Variants in YES1 observed in about 807,000 individuals in gnomAD.
YES1 encodes YES proto-oncogene 1, Src family tyrosine kinase, also known as tyrosine-protein kinase Yes.
In YES1, 39 loss-of-function variants were observed where a neutral mutation model predicts 70.4. The observed-to-expected ratio is 0.55, with a 90% CI of 0.43 to 0.72. The LOEUF (loss-of-function observed/expected upper bound fraction) is 0.72, where lower values mean the gene tolerates loss of function less well. Among genes scored for constraint, YES1 ranks in the 30% least tolerant of loss-of-function variants. The pLI is 0.00. For synonymous variants in YES1, 198 were observed against 218.6 expected (o/e 0.91, Z 0.83); for missense variants, 495 against 644.8 (o/e 0.77, Z 2.52).
chr18:798,239 T>C (rs1032431952), intron 1 of YES1: 9 of 152,238 alleles, frequency 5.9e-5, no homozygotes, highest in African/African-American at 2.2e-4. Flanking sequence ...GTGTTCTGTG[T>C]CACCTATTAT....
At chr18:769,502 T>G (rs1435502069) in intron 1 of YES1, among the ~76,000 whole-genome samples, 1 of 152,202 alleles carries the variant, frequency 6.6e-6, no homozygotes, top group Non-Finnish European at 1.5e-5. Context: ...TGGTTCTCAA[T>G]CTTAAGAGGA....
intron 1 of YES1, among the ~76,000 whole-genome samples, chr18:796,896 G>C (rs1425238027): frequency 6.6e-6 from 1 of 152,138 alleles, no homozygotes; most frequent in African/African-American, 2.4e-5. Flanking sequence ...ACTAGCAGTA[G>C]TGAGGTATAT....
intron 1 of YES1, among the ~76,000 whole-genome samples, chr18:811,374 A>C (rs551202564): frequency 1.3e-5 from 2 of 152,306 alleles, no homozygotes; most frequent in East Asian, 3.9e-4. Context: ...CCTACACCAG[A>C]CTTGATTTTC....
chr18:739,473 T>C (rs565192702), intron 9 of YES1: 18 of 315,110 alleles, frequency 5.7e-5, no homozygotes, highest in Non-Finnish European at 6.3e-5. Flanking sequence ...AATGGTGGCC[T>C]GTGCCTGCAG....
chr18:800,909 A>G (rs1266067549), intron 1 of YES1, among the ~76,000 whole-genome samples: 2 of 152,194 alleles, frequency 1.3e-5, no homozygotes, highest in Non-Finnish European at 2.9e-5. Flanking sequence ...GCACTTTGGG[A>G]GGCCAAGGCG....
At chr18:778,582 T>C (rs906518648) in intron 1 of YES1, among the ~76,000 whole-genome samples, 2 of 152,248 alleles carry the variant, frequency 1.3e-5, no homozygotes, top group African/African-American at 4.8e-5. Flanking sequence ...TTGGAAGGAA[T>C]AGCCCTAGTC....
chr18:807,105 CCAAAAAATT>C (rs1289833628), intron 1 of YES1, among the ~76,000 whole-genome samples: 1 of 151,966 alleles, frequency 6.6e-6, no homozygotes, highest in Non-Finnish European at 1.5e-5. Flanking sequence ...CCCCATCTCT[CCAAAAAATT>C]CAAAAATTAG....
In YES1 at chr18:798,559, T is replaced by A. The variant is rs1906658666; in HGVS notation, c.-9+13555A>T. Among the ~76,000 whole-genome samples the A allele has an allele frequency of 2.0e-5, 3 of 152,316 alleles. No individual in the cohort carries two copies. In the South Asian group the frequency reaches 6.2e-4, roughly 32 times the overall value. ...GTGAGAAGATGCATAGGGGAGCCGC[T>A]TTAGCTCCACCCTAATTTCTACCTG... On this transcript the variant is annotated intron_variant, in intron 1 of 11. Coordinates refer to ENST00000314574, the MANE Select transcript of YES1 (RefSeq NM_005433.4).
intron 1 of YES1, among the ~76,000 whole-genome samples, chr18:781,791 T>C (rs1320535130): frequency 6.6e-6 from 1 of 152,126 alleles, no homozygotes; most frequent in East Asian, 1.9e-4. Context: ...ATAATACCTA[T>C]CTTGCAAGGT....
intron 10 of YES1, among the ~76,000 whole-genome samples, chr18:734,541 G>T (rs2080129721): frequency 6.6e-6 from 1 of 151,914 alleles, no homozygotes; most frequent in African/African-American, 2.4e-5. Context: ...GGGTGACAGA[G>T]TGAGACTCCA....
intron 11 of YES1, among the ~76,000 whole-genome samples, chr18:727,074 A>C (rs1191590815): frequency 5.3e-5 from 8 of 152,186 alleles, no homozygotes; most frequent in Non-Finnish European, 1.2e-4. Flanking sequence ...AAAGATGGGT[A>C]ATCTACAAAT....
At chr18:732,756 C>T (rs1360085230) in intron 11 of YES1, 78 bp downstream of exon 11, 36 of 1,584,804 alleles carry the variant, frequency 2.3e-5, no homozygotes, top group Admixed American at 5.1e-5. Context: ...GCCTTTTCCC[C>T]GCTTACAATT....
rs536100746 is a variant in YES1 at position 760,001 on chromosome 18, C to T, written c.-8-3166G>A. On this transcript the variant is annotated intron_variant, in intron 1 of 11. Coordinates refer to ENST00000314574, the MANE Select transcript of YES1 (RefSeq NM_005433.4). Reference sequence around the variant, plus strand: ...TGTGATAGTTTGCTCAGAATGATGCCTTCCAGCTTCATCCATGTCCCTACA... The same window carrying T: ...TGTGATAGTTTGCTCAGAATGATGCTTTCCAGCTTCATCCATGTCCCTACA... 1.2e-4 allele frequency among the ~76,000 whole-genome samples: 19 copies of T among 152,158 alleles called. 1 individual carries two copies. The highest frequency in any genetic ancestry group is 1.0e-3 in the South Asian group (5 of 4,818).
chr18:751,199 C>T (rs978500609), intron 3 of YES1, among the ~76,000 whole-genome samples: 4 of 152,216 alleles, frequency 2.6e-5, no homozygotes, highest in South Asian at 2.1e-4. Context: ...TGAAATTATT[C>T]GATCTACTTT....
chr18:766,129 T>C (rs1242246004), intron 1 of YES1, among the ~76,000 whole-genome samples: 1 of 152,204 alleles, frequency 6.6e-6, no homozygotes, highest in Non-Finnish European at 1.5e-5. Context: ...TTGATCCTTC[T>C]TACGTTTGCC....
Position 724,449 on chromosome 18 carries a change from T to C in YES1, c.1607A>G (p.Gln536Arg). ...LEDYFTATEP[Q>R]YQPGENL is the part of the protein sequence containing the mutation. ...TTATAAATTTTCTCCTGGCTGGTAC[T>C]GTGGCTCTGTAGCAGTGAAGTAGTC... The change falls in exon 12 of 12, where the codon CAG (glutamine) becomes CGG (arginine). Residue 536 changes from glutamine (Q) to arginine (R), a missense_variant. Physicochemically the swap from Gln to Arg is conservative, Grantham distance 43. This residue lies in a region of YES1 where 385 missense variants were observed against 540.9 expected (regional missense o/e 0.71). Coordinates refer to ENST00000314574, the MANE Select transcript of YES1 (RefSeq NM_005433.4). 1 of 1,614,168 alleles carries C rather than the reference T, an allele frequency of 6.2e-7. No individual in the cohort carries two copies.
intron 1 of YES1, among the ~76,000 whole-genome samples, chr18:806,953 A>G (rs1280603358): frequency 6.6e-6 from 1 of 152,176 alleles, no homozygotes; most frequent in African/African-American, 2.4e-5. Flanking sequence ...CCAGATTTTC[A>G]GTAGATAGTA....
chr18:775,376 G>A (rs1326609054), intron 1 of YES1: 1 of 152,196 alleles, frequency 6.6e-6, no homozygotes, highest in African/African-American at 2.4e-5. Context: ...TCACCACCCA[G>A]ACCAAGACAC....
chr18:801,054 G>A (rs1906794001), intron 1 of YES1, among the ~76,000 whole-genome samples: 1 of 152,144 alleles, frequency 6.6e-6, no homozygotes, highest in African/African-American at 2.4e-5. Context: ...GCTGAGGCAG[G>A]AGAATCGCTT....
Sources: gnomAD v4.1 joint callset for allele counts (sites outside exome capture counted in the v4.1 genomes callset) on GRCh38, gnomAD v4.1.1 for gene constraint, gnomAD v4.1.1 regional missense constraint, MANE v1.5 for transcripts, NCBI Gene and HGNC (gene_info 2026-07-23, HGNC 2026-07-21) for gene names.